ACLY: variants seen among roughly 807,000 people sequenced by gnomAD.
ACLY encodes the protein ATP-citrate synthase.
A neutral mutation model predicts 133.0 loss-of-function variants in ACLY; 41 were observed. That is an observed-to-expected ratio of 0.31 (90% CI 0.24 to 0.40). The LOEUF is 0.40. Ranked by LOEUF, ACLY falls within the 10% of genes least tolerant of loss-of-function variation. The pLI is 1.00. For missense variants in ACLY, 1,046 were observed against 1,453.8 expected (o/e 0.72, Z 4.56); for synonymous variants, 495 against 549.3 (o/e 0.90, Z 1.38).
chr17:41,927,467 T>G (rs1027609140), intron 1 of ACLY, among the ~76,000 whole-genome samples: 3 of 152,172 alleles, frequency 2.0e-5, no homozygotes, highest in Non-Finnish European at 2.9e-5. Flanking sequence ...ATTACAGGTG[T>G]GAGCTACCAC....
At chr17:41,918,836 G>A (rs1295073232) in intron 1 of ACLY, 44 bp downstream of exon 1, 1 of 1,284,318 alleles carries the variant, frequency 7.8e-7, no homozygotes, top group Non-Finnish European at 1.0e-6. Context: ...GAAGCTCCTA[G>A]GGCGAGCGGG....
chr17:41,920,549 C>T (rs1200674067), upstream of ACLY, among the ~76,000 whole-genome samples: 1 of 145,670 alleles, frequency 6.9e-6, no homozygotes, highest in African/African-American at 2.5e-5. Context: ...TGAGATTGCA[C>T]CACTGCACTC....
intron 12 of ACLY, 44 bp from the exon 13 acceptor site, chr17:41,897,883 C>A: frequency 6.4e-7 from 1 of 1,560,108 alleles, no homozygotes; most frequent in South Asian, 1.2e-5. Flanking sequence ...AGAGTCACAC[C>A]TGGGAAAAAA....
chr17:41,885,692 C>T (rs1188444156), intron 18 of ACLY, among the ~76,000 whole-genome samples: 2 of 152,138 alleles, frequency 1.3e-5, no homozygotes, highest in African/African-American at 4.8e-5. Flanking sequence ...GTATTATTTA[C>T]CCATTTGATG....
chr17:41,925,910 T>C (rs368199237), intron 1 of ACLY, among the ~76,000 whole-genome samples: 1 of 151,892 alleles, frequency 6.6e-6, no homozygotes, highest in African/African-American at 2.4e-5. Flanking sequence ...AGTGGTGTGA[T>C]CATGGCTCAC....
Position 41,897,854 on chromosome 17 carries a change from G to A in ACLY, c.1339-15C>T, listed in dbSNP as rs782280877. Reference sequence around the variant, plus strand: ...GGGGCTGGCGTCTGGGGTGAGATAAGGAGAGAGTGTAAGAGGTAAGAGTCA... The same window carrying A: ...GGGGCTGGCGTCTGGGGTGAGATAAAGAGAGAGTGTAAGAGGTAAGAGTCA... On this transcript the variant is annotated splice_polypyrimidine_tract_variant and intron_variant, in intron 12 of 28. Transcript: ENST00000352035. The A allele has an allele frequency of 1.9e-6, 3 of 1,610,876 alleles. No homozygotes were observed. Among genetic ancestry groups the A allele is most frequent in the Non-Finnish European group, 2.5e-6 (3 of 1,178,498 alleles).
chr17:41,882,737 C>T lies in ACLY; in HGVS notation c.2265+385G>A, dbSNP rs369998945. Among the ~76,000 whole-genome samples the T allele has an allele frequency of 9.2e-5, 14 of 152,306 alleles. No homozygotes were observed. In the East Asian group the frequency reaches 9.6e-4, roughly 10 times the overall value. On this transcript the variant is annotated intron_variant, in intron 20 of 28. Transcript: ENST00000352035. ...CCACACAAAACATCTCACCAAGCCC[C>T]GCCCAGCTGAGCCCAGGCTGTGTCC...
intron 16 of ACLY, 22 bp downstream of exon 16, chr17:41,892,257 C>A: frequency 6.6e-6 from 2 of 302,560 alleles, no homozygotes; most frequent in East Asian, 1.4e-4. Context: ...CACCCCCCAC[C>A]CTCCAGAGCC....
At chr17:41,915,642 C>T (rs1355879836) in intron 1 of ACLY, among the ~76,000 whole-genome samples, 1 of 152,190 alleles carries the variant, frequency 6.6e-6, no homozygotes, top group East Asian at 1.9e-4. Flanking sequence ...TTCTGGCCTT[C>T]CCCTGGAATG....
At chr17:41,890,569 T>C (rs1380658773) in intron 16 of ACLY, among the ~76,000 whole-genome samples, 6 of 151,332 alleles carry the variant, frequency 4.0e-5, no homozygotes, top group African/African-American at 1.5e-4. Context: ...GCGCCTGTAA[T>C]CCCAGCTACT....
At position 41,878,898 on chromosome 17, in the gene ACLY, A is replaced by T. The variant is rs1555626677; in HGVS notation, c.2292T>A (p.Cys764Ter). The T allele has an allele frequency of 6.2e-7, 1 of 1,613,974 alleles. No individual in the cohort carries two copies. The highest frequency in any genetic ancestry group is 1.3e-5 in the African/African-American group (1 of 74,926). The change falls in exon 21 of 29, where the codon TGT (cysteine) becomes TGA (stop). Residue 764 changes from cysteine to a stop codon, truncating the protein, a stop_gained. Coordinates refer to ENST00000352035, the MANE Select transcript of ACLY (RefSeq NM_001096.3). LOFTEE classifies it high-confidence loss of function. ...CTGCAGTTTCAGAAGCCTGGTTGGC[A>T]CAAGCTCCAGCATGGCCAAACTGGA... is the stretch of plus-strand genomic sequence containing the variant. Reference protein sequence around the residue: ...SEVQFGHAGACANQASETAVA... With the variant: ...SEVQFGHAGA
At chr17:41,898,266 C>T (rs911756702) in intron 12 of ACLY, among the ~76,000 whole-genome samples, 3 of 152,102 alleles carry the variant, frequency 2.0e-5, no homozygotes, top group African/African-American at 7.2e-5. Flanking sequence ...ACATGCACCA[C>T]CATGTCTGGC....
chr17:41,913,907 G>C lies in ACLY; in HGVS notation c.-23-11C>G, dbSNP rs781837378. On this transcript the variant is annotated splice_polypyrimidine_tract_variant and intron_variant, in intron 1 of 28. Transcript: ENST00000352035. ...AGAGACCTGCTCTACCTGTCTGGGAGAGAGAAGCTGGTCAGAAGGGGGCAG... is the reference window on the plus strand; with the variant it reads ...AGAGACCTGCTCTACCTGTCTGGGACAGAGAAGCTGGTCAGAAGGGGGCAG... 5.6e-6 allele frequency: 9 copies of C among 1,613,514 alleles called. No homozygotes were observed. Among genetic ancestry groups the C allele is most frequent in the African/African-American group, 1.3e-5 (1 of 74,948 alleles).
intron 2 of ACLY, 58 bp downstream of exon 2, chr17:41,913,657 T>G: frequency 6.4e-7 from 1 of 1,574,240 alleles, no homozygotes; most frequent in Non-Finnish European, 8.6e-7. Flanking sequence ...AACCAATGGC[T>G]TTCTCTTCCT....
chr17:41,883,356 C>A, intron 19 of ACLY, 124 bp from the exon 20 acceptor site: 1 of 715,140 alleles, frequency 1.4e-6, no homozygotes, highest in Non-Finnish European at 2.3e-6. Context: ...TCAGCCTGGA[C>A]ACAAGGAAGA....
intron 13 of ACLY, 65 bp downstream of exon 13, chr17:41,897,684 G>GA: frequency 6.8e-7 from 1 of 1,465,296 alleles, no homozygotes; most frequent in Non-Finnish European, 9.3e-7. Context: ...AGGGAAAGGG[G>GA]AGAGAGATAC....
At chr17:41,904,943 C>G (rs368810140) in intron 9 of ACLY, among the ~76,000 whole-genome samples, 153 bp from the exon 10 acceptor site, 2 of 152,330 alleles carry the variant, frequency 1.3e-5, no homozygotes, top group African/African-American at 4.8e-5. Context: ...TCTCTCCAGA[C>G]ATTCCACTTT....
intron 19 of ACLY, 90 bp from the exon 20 acceptor site, chr17:41,883,322 T>G: frequency 9.2e-7 from 1 of 1,087,250 alleles, no homozygotes; most frequent in Non-Finnish European, 1.4e-6. Context: ...ACACGGGCTT[T>G]GGCCAAATAA....
intron 18 of ACLY, among the ~76,000 whole-genome samples, chr17:41,884,701 A>G (rs1555627885): frequency 6.6e-6 from 1 of 152,204 alleles, no homozygotes; most frequent in Non-Finnish European, 1.5e-5. Flanking sequence ...CCTGGCCAAC[A>G]TGGCGAAACC....
Sources: allele counts gnomAD v4.1 joint callset (sites outside exome capture counted in the v4.1 genomes callset), GRCh38; gene constraint gnomAD v4.1.1; transcripts MANE v1.5; gene names NCBI Gene and HGNC (gene_info 2026-07-23, HGNC 2026-07-21).